FOXP2: variants seen among roughly 807,000 people sequenced by gnomAD.
FOXP2 encodes forkhead box protein P2.
In FOXP2, 12 loss-of-function variants were observed where a neutral mutation model predicts 115.8. The observed-to-expected ratio is 0.10, with a 90% CI of 0.07 to 0.17. The LOEUF is 0.17. Among genes scored for constraint, FOXP2 ranks in the 10% least tolerant of loss-of-function variants. The pLI is 1.00. For synonymous variants in FOXP2, 328 were observed against 297.7 expected (o/e 1.10, Z -1.05); for missense variants, 629 against 843.5 (o/e 0.75, Z 3.15).
At chr7:114,387,417 A>T (rs986256346) in intron 2 of FOXP2, among the ~76,000 whole-genome samples, 4 of 152,222 alleles carry the variant, frequency 2.6e-5, no homozygotes, top group African/African-American at 9.6e-5. Context: ...ACTAGAATAC[A>T]TGAGTCAATT....
chr7:114,203,315 A>G (rs945328464), intron 1 of FOXP2, among the ~76,000 whole-genome samples: 2 of 152,022 alleles, frequency 1.3e-5, no homozygotes, highest in Non-Finnish European at 2.9e-5. Flanking sequence ...TAAATTACAG[A>G]TCAGTTTACA....
At chr7:114,572,190 A>C (rs1801339007) in intron 3 of FOXP2, among the ~76,000 whole-genome samples, 1 of 151,740 alleles carries the variant, frequency 6.6e-6, no homozygotes, top group Non-Finnish European at 1.5e-5. Flanking sequence ...TACAAAATAA[A>C]CTCAAAAGTG....
At chr7:114,629,022 C>CCT (rs1312286697) in intron 4 of FOXP2, 1 of 286,186 alleles carries the variant, frequency 3.5e-6, no homozygotes, top group African/African-American at 2.2e-5. Context: ...TTTTAAAACT[C>CCT]CTAACACCTT....
intron 2 of FOXP2, among the ~76,000 whole-genome samples, chr7:114,501,573 G>T (rs888562847): frequency 1.3e-5 from 2 of 152,078 alleles, no homozygotes; most frequent in Non-Finnish European, 2.9e-5. Context: ...AGACAACTTT[G>T]AGATAAAGTG....
chr7:114,270,102 A>G (rs1726763933), intron 1 of FOXP2, among the ~76,000 whole-genome samples: 1 of 152,172 alleles, frequency 6.6e-6, no homozygotes, highest in African/African-American at 2.4e-5. Context: ...GCATTCTTTC[A>G]CTTAATAATA....
At chr7:114,631,332 CT>C (rs1804908955) in intron 5 of FOXP2, among the ~76,000 whole-genome samples, 195 bp from the exon 6 acceptor site, 1 of 152,084 alleles carries the variant, frequency 6.6e-6, no homozygotes, top group Non-Finnish European at 1.5e-5. Flanking sequence ...TTCCTTGGTT[CT>C]CTAACACGAT....
chr7:114,659,213 A>G, intron 11 of FOXP2, 143 bp from the exon 12 acceptor site: 1 of 678,526 alleles, frequency 1.5e-6, no homozygotes, highest in Non-Finnish European at 2.6e-6. Flanking sequence ...CATATAATTC[A>G]ATTCCACTGT....
At chr7:114,420,844 AAAGG>A (rs1178096515) in intron 1 of FOXP2, among the ~76,000 whole-genome samples, 1 of 151,808 alleles carries the variant, frequency 6.6e-6, no homozygotes, top group African/African-American at 2.4e-5. Flanking sequence ...TATATATTTA[AAAGG>A]AAGACTGACA....
intron 2 of FOXP2, among the ~76,000 whole-genome samples, chr7:114,493,162 A>G (rs1347094534): frequency 6.6e-6 from 1 of 152,174 alleles, no homozygotes; most frequent in Non-Finnish European, 1.5e-5. Context: ...ACCATTATGT[A>G]ATGGCCTTCT....
intron 2 of FOXP2, among the ~76,000 whole-genome samples, chr7:114,529,931 A>G (rs939136062): frequency 6.6e-6 from 1 of 151,956 alleles, no homozygotes; most frequent in South Asian, 2.1e-4. Context: ...CACACTTGGG[A>G]AGATAATTAG....
chr7:114,617,195 G>A (rs573959431), intron 3 of FOXP2, among the ~76,000 whole-genome samples: 2 of 152,344 alleles, frequency 1.3e-5, no homozygotes, highest in Admixed American at 1.3e-4. Flanking sequence ...CAAGCATGCT[G>A]AGAACCAATC....
At chr7:114,226,460 A>G (rs1168766535) in intron 1 of FOXP2, among the ~76,000 whole-genome samples, 1 of 152,156 alleles carries the variant, frequency 6.6e-6, no homozygotes, top group Admixed American at 6.6e-5. Flanking sequence ...TTATATGTCC[A>G]CTAACATTTG....
At chr7:114,676,762 G>C (rs188043833) in intron 16 of FOXP2, among the ~76,000 whole-genome samples, 255 of 152,284 alleles carry the variant, frequency 1.7e-3, no homozygotes, top group African/African-American at 5.6e-3. Flanking sequence ...AATAAGAAAA[G>C]ATGTAAGGGA....
intron 1 of FOXP2, among the ~76,000 whole-genome samples, chr7:114,095,898 A>G (rs911984801): frequency 2.0e-5 from 3 of 152,152 alleles, no homozygotes; most frequent in African/African-American, 7.2e-5. Flanking sequence ...GGAATACTAC[A>G]TATCTTTGCT....
At chr7:114,090,326 T>C (rs372614343) in intron 1 of FOXP2, among the ~76,000 whole-genome samples, 6 of 151,914 alleles carry the variant, frequency 3.9e-5, no homozygotes, top group African/African-American at 1.4e-4. Flanking sequence ...TTTGGCACAT[T>C]CAAGCTATTT....
chr7:114,559,368 T>G (rs1223689542), intron 3 of FOXP2, among the ~76,000 whole-genome samples: 1 of 152,146 alleles, frequency 6.6e-6, no homozygotes, highest in Non-Finnish European at 1.5e-5. Flanking sequence ...CAGCCTTACC[T>G]ATCTGTGGAG....
intron 2 of FOXP2, among the ~76,000 whole-genome samples, chr7:114,483,303 C>G (rs2129238566): frequency 6.6e-6 from 1 of 151,628 alleles, no homozygotes; most frequent in East Asian, 1.9e-4. Context: ...GGTTGGTCTC[C>G]ATGCTTCCAA....
At chr7:114,678,283 G>A (rs780979901) in intron 16 of FOXP2, among the ~76,000 whole-genome samples, 16 of 152,120 alleles carry the variant, frequency 1.1e-4, no homozygotes, top group South Asian at 4.1e-4. Flanking sequence ...TAAAACATGG[G>A]TTTCATTCAG....
chr7:114,690,052 C>T lies in FOXP2; in HGVS notation c.*126C>T. 8.5e-7 allele frequency: 1 copy of T among 1,180,520 alleles called. No homozygotes were observed. Among genetic ancestry groups the T allele is most frequent in the Non-Finnish European group, 1.2e-6 (1 of 807,614 alleles). The allele number at this position is 1,180,520 out of a possible 1,614,324, so 73.1% of individuals were successfully genotyped here. ...TTAAGCATGGATAAAGGAGACAGCC[C>T]TAAAGGAACTTACTAAGCCAGCCCT... On this transcript the variant is annotated 3_prime_UTR_variant, in exon 17 of 17. Coordinates refer to ENST00000350908, the MANE Select transcript of FOXP2 (RefSeq NM_014491.4).
Sources: gnomAD v4.1 joint callset for allele counts (sites outside exome capture counted in the v4.1 genomes callset) on GRCh38, gnomAD v4.1.1 for gene constraint, MANE v1.5 for transcripts, NCBI Gene and HGNC (gene_info 2026-07-23, HGNC 2026-07-21) for gene names.